Variants in SMC5 observed in about 807,000 individuals in gnomAD.
SMC5 encodes the protein structural maintenance of chromosomes protein 5.
Under a neutral mutation model 148.3 loss-of-function variants are expected in SMC5, and 88 were observed. The observed-to-expected ratio is 0.59, with a 90% CI of 0.50 to 0.71. The LOEUF (loss-of-function observed/expected upper bound fraction) is 0.71, where lower values mean the gene tolerates loss of function less well. SMC5 is among the 30% of genes least tolerant of loss of function. The pLI is 0.00. For synonymous variants in SMC5, 421 were observed against 432.8 expected (o/e 0.97, Z 0.34); for missense variants, 1,142 against 1,298.9 (o/e 0.88, Z 1.86).
In SMC5 at chr9:70,354,492, T is replaced by G. The variant is rs1346184939; in HGVS notation, c.*2161T>G. ...CACCCGCCTCGGCCTCCCAAAGTGC[T>G]GGGATTATAGGCGTGAGCCCCTGCA... On this transcript the variant is annotated 3_prime_UTR_variant, in exon 25 of 25. Coordinates refer to ENST00000361138, the MANE Select transcript of SMC5 (RefSeq NM_015110.4). 6.6e-6 allele frequency: 1 copy of G among 152,228 alleles called. No homozygotes were observed. The highest frequency in any genetic ancestry group is 2.1e-4 in the South Asian group (1 of 4,834). The allele number at this position is 152,228 out of a possible 1,614,324, so 9.4% of individuals were successfully genotyped here. A position where few individuals can be genotyped will look rare whatever the true frequency, so the allele number is the denominator to read the frequency against.
At position 70,317,681 on chromosome 9, in the gene SMC5, A is replaced by C. The variant is rs575507044; in HGVS notation, c.1807-833A>C. 2.0e-5 allele frequency among the ~76,000 whole-genome samples: 3 copies of C among 152,312 alleles called. No individual in the cohort carries two copies. The East Asian group carries it at 5.8e-4, about 29-fold the overall frequency. On this transcript the variant is annotated intron_variant, in intron 13 of 24. Coordinates refer to ENST00000361138, the MANE Select transcript of SMC5 (RefSeq NM_015110.4). Reference sequence around the variant, plus strand: ...GCTCTGCATTGCAGCAGCCTACTCTATAAATATACAGAAATAGATCAAATA... The same window carrying C: ...GCTCTGCATTGCAGCAGCCTACTCTCTAAATATACAGAAATAGATCAAATA...
chr9:70,260,005 C>A (rs920253344), intron 1 of SMC5, among the ~76,000 whole-genome samples: 7 of 151,010 alleles, frequency 4.6e-5, no homozygotes, highest in Admixed American at 2.6e-4. Context: ...AGTGCTGTGC[C>A]GCGATCTCGG....
At chr9:70,346,098 T>A (rs1330056495) in intron 18 of SMC5, among the ~76,000 whole-genome samples, 1 of 152,130 alleles carries the variant, frequency 6.6e-6, no homozygotes, top group Non-Finnish European at 1.5e-5. Context: ...CTTAAAGTGA[T>A]AGGGAAGGTG....
intron 3 of SMC5, among the ~76,000 whole-genome samples, chr9:70,272,226 A>G (rs2034468790): frequency 6.6e-6 from 1 of 152,196 alleles, no homozygotes; most frequent in East Asian, 1.9e-4. Context: ...ACTGAGGTAG[A>G]CAGACCTACT....
chr9:70,269,013 G>A (rs952813644), intron 3 of SMC5, among the ~76,000 whole-genome samples: 3 of 152,232 alleles, frequency 2.0e-5, no homozygotes, highest in African/African-American at 7.2e-5. Flanking sequence ...TGGAATATTA[G>A]TGGAAAGTTG....
chr9:70,333,479 G>A (rs1011853125), intron 17 of SMC5, among the ~76,000 whole-genome samples: 2 of 151,852 alleles, frequency 1.3e-5, no homozygotes, highest in Non-Finnish European at 1.5e-5. Context: ...TCATTAAAAA[G>A]AAAGGCTTTG....
At chr9:70,342,276 T>C (rs934126384) in intron 17 of SMC5, among the ~76,000 whole-genome samples, 17 of 146,196 alleles carry the variant, frequency 1.2e-4, no homozygotes, top group Non-Finnish European at 2.3e-4. Context: ...CATTGGGAGA[T>C]ATACCTAATG....
At chr9:70,305,844 A>T (rs909931093) in intron 11 of SMC5, among the ~76,000 whole-genome samples, 1 of 152,238 alleles carries the variant, frequency 6.6e-6, no homozygotes, top group Admixed American at 6.5e-5. Flanking sequence ...AGTAAAGCTT[A>T]GTAGTTAAGA....
In SMC5 at chr9:70,295,577, C is replaced by T. The variant is rs557637186; in HGVS notation, c.1054-2389C>T. On this transcript the variant is annotated intron_variant, in intron 8 of 24. Coordinates refer to ENST00000361138, the MANE Select transcript of SMC5 (RefSeq NM_015110.4). ...AGGTAGGTGATTTAAGAGGTTTAGA[C>T]TTACTGTACCTGAGCTAAACATGGA... Among the ~76,000 whole-genome samples, 217 of 151,962 alleles carry T rather than the reference C, an allele frequency of 1.4e-3. 1 individual carries two copies. Among genetic ancestry groups the T allele is most frequent in the African/African-American group, 4.7e-3 (196 of 41,442 alleles).
At chr9:70,279,795 C>G (rs997242791) in intron 5 of SMC5, among the ~76,000 whole-genome samples, 8 of 97,218 alleles carry the variant, frequency 8.2e-5, no homozygotes, top group African/African-American at 3.3e-4. Context: ...CCAGCCTGGG[C>G]AACAAGAGCA....
rs145103335 is a variant in SMC5, at chr9:70,310,696, G to A, written c.1579-4046G>A. 2.0e-5 allele frequency among the ~76,000 whole-genome samples: 3 copies of A among 152,294 alleles called. No individual in the cohort carries two copies. The East Asian group carries it at 5.8e-4, about 29-fold the overall frequency. On this transcript the variant is annotated intron_variant, in intron 11 of 24. Transcript: ENST00000361138. ...TTCTCTAGTTATGAAAGTCCTAGAT[G>A]GCATTCTTTTCCAATAGAAGGCTGT...
At chr9:70,280,929 G>A (rs781619809) in intron 6 of SMC5, 30 bp downstream of exon 6, 84 of 1,611,092 alleles carry the variant, frequency 5.2e-5, no homozygotes, top group East Asian at 3.6e-4. Context: ...GGCAAAGTAC[G>A]TGTTTCTTTA....
At chr9:70,319,026 C>T in intron 15 of SMC5, 63 bp downstream of exon 15, 2 of 1,388,776 alleles carry the variant, frequency 1.4e-6, no homozygotes, top group East Asian at 2.4e-5. Flanking sequence ...ATTAATTATA[C>T]ACTGTAATAA....
Position 70,267,867 on chromosome 9 carries a change from G to A in SMC5, c.328-56G>A. ...AAATAATAATGACTGCTAAATCTCT[G>A]ATTGTTAACCTGGGAATGTCACTAC... On this transcript the variant is annotated intron_variant, in intron 2 of 24. Coordinates refer to ENST00000361138, the MANE Select transcript of SMC5 (RefSeq NM_015110.4). The A allele has an allele frequency of 5.5e-6, 8 of 1,455,842 alleles. No homozygotes were observed. In the South Asian group the frequency reaches 1.0e-4, roughly 18 times the overall value. The allele number at this position is 1,455,842 out of a possible 1,614,324, so 90.2% of individuals were successfully genotyped here.
intron 17 of SMC5, among the ~76,000 whole-genome samples, chr9:70,333,569 A>G (rs1426516641): frequency 6.6e-6 from 1 of 152,126 alleles, no homozygotes; most frequent in African/African-American, 2.4e-5. Context: ...TGTCTCTACT[A>G]AAAATACAAA....
intron 15 of SMC5, among the ~76,000 whole-genome samples, chr9:70,322,314 A>C (rs2035969238): frequency 6.6e-6 from 1 of 152,126 alleles, no homozygotes; most frequent in Non-Finnish European, 1.5e-5. Flanking sequence ...TATTGAACCC[A>C]TTGTCTAAAA....
intron 12 of SMC5, 126 bp downstream of exon 12, chr9:70,314,962 A>T: frequency 3.6e-6 from 2 of 552,762 alleles, no homozygotes; most frequent in Non-Finnish European, 6.2e-6. Context: ...ATAAGGAAAA[A>T]TTTAGGCACA....
intron 10 of SMC5, among the ~76,000 whole-genome samples, chr9:70,301,343 A>G (rs1360144329): frequency 6.6e-6 from 1 of 152,182 alleles, no homozygotes; most frequent in Non-Finnish European, 1.5e-5. Context: ...AATAGCTGGC[A>G]TATATTTCCA....
intron 13 of SMC5, among the ~76,000 whole-genome samples, chr9:70,316,582 A>G (rs2035808971): frequency 6.6e-6 from 1 of 152,214 alleles, no homozygotes; most frequent in East Asian, 1.9e-4. Context: ...GGACAAGACC[A>G]TATGCATAGA....
Sources: allele counts gnomAD v4.1 joint callset (sites outside exome capture counted in the v4.1 genomes callset), GRCh38; gene constraint gnomAD v4.1.1; transcripts MANE v1.5; gene names NCBI Gene and HGNC (gene_info 2026-07-23, HGNC 2026-07-21).